Variants in ZPLD1 observed in about 807,000 individuals in gnomAD.
The protein encoded by ZPLD1 is zona pellucida like domain containing 1.
ZPLD1 carries 34 observed loss-of-function variants against 47.2 expected under a neutral mutation model. That is an observed-to-expected ratio of 0.72 (90% CI 0.55 to 0.96). The LOEUF (loss-of-function observed/expected upper bound fraction) is 0.96, where lower values mean the gene tolerates loss of function less well. Among genes scored for constraint, ZPLD1 ranks in the 40% least tolerant of loss-of-function variants. The pLI, the probability that ZPLD1 is intolerant of heterozygous loss-of-function variation, is 0.00. For synonymous variants in ZPLD1, 176 were observed against 186.2 expected (o/e 0.95, Z 0.45); for missense variants, 512 against 505.8 (o/e 1.01, Z -0.12).
intron 7 of ZPLD1, among the ~76,000 whole-genome samples, chr3:102,400,855 C>T (rs1281727107): frequency 6.6e-6 from 1 of 152,002 alleles, no homozygotes; most frequent in Non-Finnish European, 1.5e-5. Flanking sequence ...ATGGACCTCT[C>T]ACCACTCTTC....
intron 3 of ZPLD1, among the ~76,000 whole-genome samples, chr3:102,439,265 G>A (rs891112183): frequency 6.6e-6 from 1 of 152,260 alleles, no homozygotes; most frequent in Non-Finnish European, 1.5e-5. Flanking sequence ...AGTCTGCCAT[G>A]CAAATGGAAT....
intron 6 of ZPLD1, among the ~76,000 whole-genome samples, chr3:102,461,903 ACT>A (rs1707511932): frequency 6.6e-6 from 1 of 152,096 alleles, no homozygotes; most frequent in Non-Finnish European, 1.5e-5. Flanking sequence ...ATTTAAATAA[ACT>A]CAATATTAGT....
In ZPLD1 at chr3:102,469,032, A is replaced by G. The variant is rs1300551383; in HGVS notation, c.830A>G (p.Glu277Gly). ...AGCCAGCGGGGCCGGTTTTCTTTTG[A>G]AGTGTTCCGATTTGTGAAACACAAG... is the stretch of plus-strand genomic sequence containing the variant. Reference protein sequence around the residue: ...GRSQRGRFSFEVFRFVKHKNQ... With the variant: ...GRSQRGRFSFGVFRFVKHKNQ... Residue 277 changes from glutamate (E) to glycine (G), a missense_variant, in exon 9 of 12, where the codon GAA becomes GGA. Physicochemically the swap from Glu to Gly is moderately conservative, Grantham distance 98. Transcript: ENST00000466937. 1 of 1,614,124 alleles carries G rather than the reference A, an allele frequency of 6.2e-7. No homozygotes were observed. Among genetic ancestry groups the G allele is most frequent in the South Asian group, 1.1e-5 (1 of 91,078 alleles).
At chr3:102,432,399 G>A (rs1216654602), upstream of ZPLD1, among the ~76,000 whole-genome samples, 1 of 152,182 alleles carries the variant, frequency 6.6e-6, no homozygotes, top group Non-Finnish European at 1.5e-5. Context: ...ACTAGCTTTA[G>A]TTTAGTGGGG....
chr3:102,425,684 T>A (rs1441659743), intron 8 of ZPLD1, among the ~76,000 whole-genome samples: 1 of 152,214 alleles, frequency 6.6e-6, no homozygotes, highest in East Asian at 1.9e-4. Flanking sequence ...CATCCCCAAC[T>A]TTGACTATGG....
chr3:102,437,752 T>A (rs1026897792), intron 2 of ZPLD1, among the ~76,000 whole-genome samples: 1 of 152,232 alleles, frequency 6.6e-6, no homozygotes, highest in Admixed American at 6.5e-5. Flanking sequence ...CACTGATACA[T>A]TTAAAAAAAT....
At chr3:102,474,868 A>G (rs1416109739) in intron 10 of ZPLD1, among the ~76,000 whole-genome samples, 1 of 152,130 alleles carries the variant, frequency 6.6e-6, no homozygotes, top group African/African-American at 2.4e-5. Context: ...TGTTTCTTTT[A>G]GCATATATGT....
intron 8 of ZPLD1, among the ~76,000 whole-genome samples, chr3:102,429,863 G>A (rs893340513): frequency 1.3e-5 from 2 of 152,140 alleles, no homozygotes; most frequent in African/African-American, 2.4e-5. Context: ...CACATCTCAA[G>A]GCTGTATTAG....
chr3:102,448,399 T>A (rs1707290297), intron 3 of ZPLD1, among the ~76,000 whole-genome samples: 1 of 152,244 alleles, frequency 6.6e-6, no homozygotes, highest in Non-Finnish European at 1.5e-5. Flanking sequence ...ATTCAGTGAC[T>A]GAAAAAACTC....
At chr3:102,468,888 G>A in intron 8 of ZPLD1, 76 bp from the exon 9 acceptor site, 2 of 1,426,918 alleles carry the variant, frequency 1.4e-6, no homozygotes, top group South Asian at 2.7e-5. Context: ...TCTTAATACG[G>A]TAGAAATTAA....
intron 7 of ZPLD1, chr3:102,392,351 A>G (rs930370263): frequency 1.3e-5 from 2 of 152,182 alleles, no homozygotes; most frequent in African/African-American, 4.8e-5. Context: ...AAGAAAAGGG[A>G]TTCATTTCTT....
intron 4 of ZPLD1, 63 bp downstream of exon 4, chr3:102,453,202 T>C (rs1008590136): frequency 2.7e-5 from 39 of 1,434,926 alleles, no homozygotes; most frequent in Non-Finnish European, 3.7e-5. Context: ...CCCCATTTCA[T>C]GAAAGAATAA....
rs968635384 is a variant in ZPLD1, at chr3:102,401,493, A to G, written c.-157+9268A>G. Among the ~76,000 whole-genome samples the G allele has an allele frequency of 1.1e-4, 16 of 152,086 alleles. 1 individual carries two copies. The highest frequency in any genetic ancestry group is 4.1e-4 in the South Asian group (2 of 4,830). ...CTCACAGATTATGGGCACTCAGTCC[A>G]TTGGATTGGTGCTTTGTCTTCACAC... On this transcript the variant is annotated intron_variant, in intron 7 of 17. Coordinates refer to the ZPLD1 transcript ENST00000491959.
chr3:102,463,058 A>G (rs1357136451), intron 7 of ZPLD1, among the ~76,000 whole-genome samples: 2 of 152,250 alleles, frequency 1.3e-5, no homozygotes, highest in East Asian at 1.9e-4. Flanking sequence ...GAATATTTCT[A>G]TTCTTGTATG....
intron 7 of ZPLD1, among the ~76,000 whole-genome samples, chr3:102,462,884 G>A (rs927758013): frequency 6.6e-6 from 1 of 152,056 alleles, no homozygotes; most frequent in Admixed American, 6.5e-5. Context: ...AAACTAAAAT[G>A]GAGCTCAAAA....
chr3:102,403,176 G>A (rs1333634408), intron 7 of ZPLD1, among the ~76,000 whole-genome samples: 1 of 151,844 alleles, frequency 6.6e-6, no homozygotes, highest in Admixed American at 6.6e-5. Context: ...ACCATAATGT[G>A]CAATGGGATT....
chr3:102,454,275 G>T (rs1354040390), intron 4 of ZPLD1, among the ~76,000 whole-genome samples: 1 of 152,094 alleles, frequency 6.6e-6, no homozygotes, highest in Admixed American at 6.5e-5. Flanking sequence ...TATTAAAAAC[G>T]TTTATTCAAC....
At chr3:102,463,634 A>G (rs1163491766) in intron 7 of ZPLD1, among the ~76,000 whole-genome samples, 2 of 152,138 alleles carry the variant, frequency 1.3e-5, no homozygotes, top group Non-Finnish European at 1.5e-5. Flanking sequence ...GGTACTTGAG[A>G]TGTTTTGATA....
chr3:102,420,488 G>A (rs1706863518), intron 8 of ZPLD1, among the ~76,000 whole-genome samples: 1 of 151,864 alleles, frequency 6.6e-6, no homozygotes, highest in Admixed American at 6.6e-5. Flanking sequence ...TATCTCAAAA[G>A]CAGCCAAAGA....
Sources: gnomAD v4.1 joint callset for allele counts (sites outside exome capture counted in the v4.1 genomes callset) on GRCh38, gnomAD v4.1.1 for gene constraint, MANE v1.5 for transcripts, NCBI Gene and HGNC (gene_info 2026-07-23, HGNC 2026-07-21) for gene names.